The following SLCO1A2 variants were observed in gnomAD, a reference collection of about 807,000 sequenced individuals.
SLCO1A2 encodes the protein solute carrier organic anion transporter family member 1A2, also known as OATP-1.
SLCO1A2 carries 67 observed loss-of-function variants against 69.0 expected under a neutral mutation model. The ratio of observed to expected loss-of-function variants is 0.97; its 90% CI spans 0.80 to 1.19. SLCO1A2 has a LOEUF of 1.19. Ranked by LOEUF, SLCO1A2 falls within the 50% of genes most tolerant of loss-of-function variation. SLCO1A2 has a pLI of 0.00. For missense variants in SLCO1A2, 787 were observed against 793.7 expected (o/e 0.99, Z 0.10); for synonymous variants, 260 against 265.9 (o/e 0.98, Z 0.22).
chr12:21,305,657 G>C (rs553031369), intron 5 of SLCO1A2, among the ~76,000 whole-genome samples: 55 of 152,326 alleles, frequency 3.6e-4, no homozygotes, highest in African/African-American at 1.3e-3. Context: ...CAATGAAGCC[G>C]ACTAGCACCT....
chr12:21,343,279 C>T (rs888468501), intron 2 of SLCO1A2, among the ~76,000 whole-genome samples: 2 of 152,092 alleles, frequency 1.3e-5, no homozygotes, highest in Admixed American at 6.6e-5. Flanking sequence ...ATTCCCAGTC[C>T]TATGATCATT....
At chr12:21,292,440 C>T (rs1947020561) in intron 11 of SLCO1A2, 104 bp from the exon 12 acceptor site, 1 of 772,098 alleles carries the variant, frequency 1.3e-6, no homozygotes, top group Non-Finnish European at 2.0e-6. Flanking sequence ...TGCTTGTTCC[C>T]TTTACTCCAT....
intron 4 of SLCO1A2, among the ~76,000 whole-genome samples, chr12:21,310,266 T>A (rs1208472974): frequency 5.3e-5 from 8 of 152,272 alleles, no homozygotes; most frequent in Middle Eastern, 3.2e-3. Context: ...TGAATTTTTT[T>A]AATTTTCTAA....
At chr12:21,419,040 T>C (rs1343077287), upstream of SLCO1A2, 1 of 152,168 alleles carries the variant, frequency 6.6e-6, no homozygotes. Flanking sequence ...TATGTGAGGC[T>C]AATAATTCAG....
intron 1 of SLCO1A2, among the ~76,000 whole-genome samples, chr12:21,376,874 A>G (rs535711363): frequency 6.3e-4 from 96 of 152,168 alleles, no homozygotes; most frequent in Non-Finnish European, 1.0e-3. Flanking sequence ...CCTAAGTTTC[A>G]CCAATATTTT....
intron 2 of SLCO1A2, among the ~76,000 whole-genome samples, chr12:21,358,009 G>A (rs1461974411): frequency 1.3e-5 from 2 of 152,126 alleles, no homozygotes; most frequent in East Asian, 1.9e-4. Flanking sequence ...GGTGGCGTGA[G>A]GTGGGGCAGG....
intron 12 of SLCO1A2, among the ~76,000 whole-genome samples, chr12:21,290,455 T>C (rs1946667018): frequency 1.3e-5 from 2 of 152,142 alleles, no homozygotes; most frequent in South Asian, 2.1e-4. Context: ...GACGCTGGTA[T>C]GGGAACAGGC....
intron 1 of SLCO1A2, among the ~76,000 whole-genome samples, chr12:21,402,838 G>A (rs752138675): frequency 2.6e-5 from 4 of 152,130 alleles, no homozygotes; most frequent in African/African-American, 4.8e-5. Flanking sequence ...AAAAAGATAC[G>A]CCCAAAATTG....
chr12:21,360,447 G>A (rs144572429), intron 2 of SLCO1A2, among the ~76,000 whole-genome samples: 3,762 of 152,280 alleles, frequency 0.025, 186 homozygotes, highest in African/African-American at 0.086. Context: ...CAAGATGGCC[G>A]AATAGGAACA....
intron 1 of SLCO1A2, among the ~76,000 whole-genome samples, chr12:21,412,443 T>C (rs1046353742): frequency 6.6e-5 from 10 of 152,202 alleles, no homozygotes; most frequent in Non-Finnish European, 8.8e-5. Context: ...CAAGATCCTT[T>C]TCCTTCTAAG....
At chr12:21,302,451 A>G (rs1211294916) in intron 6 of SLCO1A2, among the ~76,000 whole-genome samples, 3 of 152,090 alleles carry the variant, frequency 2.0e-5, no homozygotes, top group Non-Finnish European at 4.4e-5. Flanking sequence ...TCTATTTACT[A>G]AGTAAAAGTC....
intron 2 of SLCO1A2, among the ~76,000 whole-genome samples, chr12:21,346,394 T>A (rs1953252601): frequency 6.6e-6 from 1 of 152,178 alleles, no homozygotes. Context: ...GATATATTTT[T>A]ACTGAGCACG....
At position 21,303,868 on chromosome 12, in the gene SLCO1A2, G is replaced by T. The variant is rs927439641; in HGVS notation, c.589+559C>A. On this transcript the variant is annotated intron_variant, in intron 6 of 14. Transcript: ENST00000683939. The stretch of plus-strand genomic sequence containing the variant: ...ACTAAGTAAGTGAATGTCATGCAGA[G>T]CCATGAGTAATAAGTGGACAGATCA... 2.6e-5 allele frequency among the ~76,000 whole-genome samples: 4 copies of T among 152,170 alleles called. No homozygotes were observed. The South Asian group carries it at 8.3e-4, about 31-fold the overall frequency.
chr12:21,334,230 A>AT (rs1433515956), intron 2 of SLCO1A2, among the ~76,000 whole-genome samples: 1 of 152,066 alleles, frequency 6.6e-6, no homozygotes, highest in Non-Finnish European at 1.5e-5. Flanking sequence ...GCAATGAGCC[A>AT]TTTTCGGAGA....
chr12:21,326,154 C>T (rs1565500595), intron 2 of SLCO1A2, among the ~76,000 whole-genome samples: 1 of 152,178 alleles, frequency 6.6e-6, no homozygotes, highest in Non-Finnish European at 1.5e-5. Flanking sequence ...TCTCTTGCCA[C>T]CATGTAAGAC....
chr12:21,360,939 T>C (rs1938812489), intron 2 of SLCO1A2, among the ~76,000 whole-genome samples: 1 of 152,128 alleles, frequency 6.6e-6, no homozygotes, highest in African/African-American at 2.4e-5. Context: ...TGCCTGCCTC[T>C]GTAGACTCCA....
intron 5 of SLCO1A2, among the ~76,000 whole-genome samples, chr12:21,306,123 T>C (rs1949353928): frequency 6.6e-6 from 1 of 152,186 alleles, no homozygotes. Context: ...AGAAAGGGAA[T>C]AGAGTAATTC....
In SLCO1A2 at chr12:21,332,387, A is replaced by G. The variant is rs557026796; in HGVS notation, c.60+2201T>C. ...GGCTTGTGGAGACCAAGGTTTTATC[A>G]TGCAGATAAAGCCTCTAGATACGCA... On this transcript the variant is annotated intron_variant, in intron 2 of 14. Coordinates refer to ENST00000683939, the MANE Select transcript of SLCO1A2 (RefSeq NM_001386879.1). Among the ~76,000 whole-genome samples, 112 of 152,200 alleles carry G rather than the reference A, an allele frequency of 7.4e-4. 1 individual carries two copies. The Middle Eastern group carries it at 0.024, about 33-fold the overall frequency.
chr12:21,373,942 A>G (rs1939995018), intron 2 of SLCO1A2, among the ~76,000 whole-genome samples: 1 of 152,222 alleles, frequency 6.6e-6, no homozygotes, highest in Non-Finnish European at 1.5e-5. Context: ...GTTTTTAAGA[A>G]ATGAAATCTA....
Sources: gnomAD v4.1 joint callset for allele counts (sites outside exome capture counted in the v4.1 genomes callset) on GRCh38, gnomAD v4.1.1 for gene constraint, MANE v1.5 for transcripts, NCBI Gene and HGNC (gene_info 2026-07-23, HGNC 2026-07-21) for gene names.